The following GSK3B variants were observed in gnomAD, a reference collection of about 807,000 sequenced individuals.
The protein encoded by GSK3B is glycogen synthase kinase 3 beta.
A neutral mutation model predicts 56.4 loss-of-function variants in GSK3B; 15 were observed. The observed-to-expected ratio is 0.27, with a 90% CI of 0.18 to 0.41. GSK3B has a LOEUF of 0.41. Ranked by LOEUF, GSK3B falls within the 10% of genes least tolerant of loss-of-function variation. The pLI is 1.00. For synonymous variants in GSK3B, 181 were observed against 188.9 expected, an observed-to-expected ratio of 0.96 and a Z score of 0.34; for missense variants, 300 against 513.4, an observed-to-expected ratio of 0.58 and a Z score of 4.02.
chr3:120,075,186 T>C (rs1485725873), intron 1 of GSK3B, among the ~76,000 whole-genome samples: 3 of 152,228 alleles, frequency 2.0e-5, no homozygotes, highest in African/African-American at 7.2e-5. Flanking sequence ...TTAAACTTTC[T>C]TGATAAAAAC....
chr3:120,002,869 A>G lies in GSK3B; in HGVS notation c.89-630T>C, dbSNP rs373188740. Among the ~76,000 whole-genome samples the G allele has an allele frequency of 4.3e-4, 65 of 152,340 alleles. No individual in the cohort carries two copies. The East Asian group carries it at 6.4e-3, about 15-fold the overall frequency. ...TGGTCAAATAGCAAAAGGTGAACCC[A>G]TAAGAGTCTGACCTTATCCATCCAA... On this transcript the variant is annotated intron_variant, in intron 1 of 10. Coordinates refer to ENST00000264235, the MANE Select transcript of GSK3B (RefSeq NM_001146156.2).
intron 2 of GSK3B, among the ~76,000 whole-genome samples, chr3:119,959,939 T>C (rs1051323485): frequency 1.3e-5 from 2 of 152,050 alleles, no homozygotes; most frequent in African/African-American, 2.4e-5. Flanking sequence ...CTTGGGCATA[T>C]GTTTTATAGA....
intron 7 of GSK3B, among the ~76,000 whole-genome samples, chr3:119,882,340 T>C (rs1281776057): frequency 6.6e-6 from 1 of 152,282 alleles, no homozygotes; most frequent in South Asian, 2.1e-4. Context: ...CTAAATTCAC[T>C]GTCTCACAGC....
At chr3:119,995,575 C>T (rs183609145) in intron 2 of GSK3B, among the ~76,000 whole-genome samples, 47 of 151,806 alleles carry the variant, frequency 3.1e-4, no homozygotes, top group Non-Finnish European at 5.7e-4. Context: ...AGTGATTCTC[C>T]TGCCTCAGTC....
chr3:120,080,031 A>C (rs2058404717), intron 1 of GSK3B, among the ~76,000 whole-genome samples: 1 of 152,206 alleles, frequency 6.6e-6, no homozygotes, highest in Admixed American at 6.5e-5. Flanking sequence ...GAGGTGGCAC[A>C]CACCTGCAAT....
chr3:120,059,671 G>GCCC (rs2058220569), intron 1 of GSK3B, among the ~76,000 whole-genome samples: 1 of 152,194 alleles, frequency 6.6e-6, no homozygotes, highest in South Asian at 2.1e-4. Context: ...GGCTATGCCA[G>GCCC]TTAGGCCAGA....
intron 1 of GSK3B, among the ~76,000 whole-genome samples, chr3:120,065,486 G>A (rs1161395322): frequency 6.6e-6 from 1 of 152,118 alleles, no homozygotes; most frequent in Non-Finnish European, 1.5e-5. Flanking sequence ...AAGATGCGGA[G>A]AAATGGGAAC....
chr3:119,906,399 T>C (rs754382419), intron 6 of GSK3B, among the ~76,000 whole-genome samples: 4 of 152,242 alleles, frequency 2.6e-5, no homozygotes, highest in African/African-American at 4.8e-5. Context: ...ATAGCAATGA[T>C]GGAGGAATAC....
intron 7 of GSK3B, among the ~76,000 whole-genome samples, chr3:119,894,136 T>A (rs1008145376): frequency 6.6e-6 from 1 of 152,194 alleles, no homozygotes; most frequent in African/African-American, 2.4e-5. Flanking sequence ...TTATATAATA[T>A]GTGGCCTTTC....
At chr3:119,929,205 G>C (rs115274866) in intron 3 of GSK3B, among the ~76,000 whole-genome samples, 1,627 of 152,210 alleles carry the variant, frequency 0.011, 24 homozygotes, top group African/African-American at 0.038. Context: ...GTCTAATAAA[G>C]AGAACAAATT....
intron 2 of GSK3B, among the ~76,000 whole-genome samples, chr3:119,955,350 CATGTA>C (rs1466372171): frequency 6.6e-6 from 1 of 151,720 alleles, no homozygotes; most frequent in Non-Finnish European, 1.5e-5. Context: ...ATGCATAGAA[CATGTA>C]ATGATCATAT....
chr3:119,956,132 G>A (rs1273106934), intron 2 of GSK3B, among the ~76,000 whole-genome samples: 1 of 152,242 alleles, frequency 6.6e-6, no homozygotes, highest in Non-Finnish European at 1.5e-5. Flanking sequence ...TAAATAGAAG[G>A]AGGGAGGTGA....
chr3:120,093,323 G>T (rs754937632), intron 1 of GSK3B, 24 bp downstream of exon 1: 2 of 1,449,728 alleles, frequency 1.4e-6, no homozygotes, highest in South Asian at 1.1e-5. Context: ...TGGAAAAGGG[G>T]TGTAAAATAA....
intron 2 of GSK3B, among the ~76,000 whole-genome samples, chr3:119,955,041 T>C (rs1323258837): frequency 1.3e-5 from 2 of 152,088 alleles, no homozygotes; most frequent in Admixed American, 1.3e-4. Flanking sequence ...TCATAAAATC[T>C]AGTAAAATAG....
intron 1 of GSK3B, among the ~76,000 whole-genome samples, chr3:120,069,793 G>A (rs879931596): frequency 2.0e-5 from 3 of 151,864 alleles, no homozygotes; most frequent in Non-Finnish European, 2.9e-5. Flanking sequence ...TCCTGATTAC[G>A]AATACTCACT....
chr3:119,967,399 G>T (rs2057327367), intron 2 of GSK3B, among the ~76,000 whole-genome samples: 1 of 152,074 alleles, frequency 6.6e-6, no homozygotes, highest in Non-Finnish European at 1.5e-5. Context: ...TTAAAAAAAA[G>T]ATATTGATAA....
chr3:119,943,832 G>T (rs779544047), intron 3 of GSK3B, among the ~76,000 whole-genome samples: 8 of 151,436 alleles, frequency 5.3e-5, no homozygotes, highest in Non-Finnish European at 7.4e-5. Flanking sequence ...AAAAGAGAAA[G>T]AGTTATATGG....
chr3:120,026,554 A>ACACACACACACACAAAC, intron 1 of GSK3B, among the ~76,000 whole-genome samples: 1 of 64,412 alleles, frequency 1.6e-5, no homozygotes, highest in East Asian at 3.8e-4. Flanking sequence ...CACACACACA[A>ACACACACACACACAAAC]ACACACACAC....
At chr3:119,956,165 C>G (rs2057212498) in intron 2 of GSK3B, among the ~76,000 whole-genome samples, 1 of 152,180 alleles carries the variant, frequency 6.6e-6, no homozygotes, top group Admixed American at 6.5e-5. Context: ...TTCTCACTCA[C>G]ATGACTATGA....
Sources: gnomAD v4.1 joint callset for allele counts (sites outside exome capture counted in the v4.1 genomes callset) on GRCh38, gnomAD v4.1.1 for gene constraint, MANE v1.5 for transcripts, NCBI Gene and HGNC (gene_info 2026-07-23, HGNC 2026-07-21) for gene names.